The following CCDC60 variants were observed in gnomAD, a reference collection of about 807,000 sequenced individuals.
CCDC60 encodes the protein coiled-coil domain-containing protein 60.
CCDC60 carries 54 observed loss-of-function variants against 63.5 expected under a neutral mutation model. That is an observed-to-expected ratio of 0.85 (90% CI 0.68 to 1.07). The LOEUF (loss-of-function observed/expected upper bound fraction) is 1.07. Among genes scored for constraint, CCDC60 ranks in the 50% least tolerant of loss-of-function variants. CCDC60 has a pLI of 0.00. For missense variants in CCDC60, 651 were observed against 684.3 expected, an observed-to-expected ratio of 0.95 and a Z score of 0.54; for synonymous variants, 206 against 238.8, an observed-to-expected ratio of 0.86 and a Z score of 1.27.
chr12:119,457,816 A>C (rs1950775837), intron 2 of CCDC60, among the ~76,000 whole-genome samples: 2 of 152,232 alleles, frequency 1.3e-5, no homozygotes, highest in South Asian at 2.1e-4. Context: ...TAATAAATGT[A>C]TTCCAAATTT....
intron 6 of CCDC60, among the ~76,000 whole-genome samples, chr12:119,501,289 A>G (rs1006365283): frequency 6.6e-6 from 1 of 152,162 alleles, no homozygotes; most frequent in African/African-American, 2.4e-5. Context: ...GTTCTGTGCT[A>G]AGGAAGCTTC....
intron 1 of CCDC60, among the ~76,000 whole-genome samples, chr12:119,364,488 C>T (rs1955821421): frequency 1.3e-5 from 2 of 152,146 alleles, no homozygotes; most frequent in South Asian, 4.1e-4. Context: ...ATAGTATATG[C>T]TCTTCTGTGT....
intron 9 of CCDC60, among the ~76,000 whole-genome samples, chr12:119,521,929 AT>A (rs1952540945): frequency 6.6e-6 from 1 of 152,128 alleles, no homozygotes; most frequent in South Asian, 2.1e-4. Flanking sequence ...TAGGATGAGG[AT>A]TTGCCTACTA....
chr12:119,528,878 A>T, intron 12 of CCDC60, 132 bp downstream of exon 12: 1 of 877,858 alleles, frequency 1.1e-6, no homozygotes, highest in Non-Finnish European at 1.7e-6. Context: ...TTGGCCATCA[A>T]CAGGATCCCC....
At chr12:119,446,542 G>A (rs1056182374) in intron 2 of CCDC60, among the ~76,000 whole-genome samples, 16 of 152,140 alleles carry the variant, frequency 1.1e-4, no homozygotes, top group Admixed American at 5.9e-4. Flanking sequence ...AAAGCTTAAA[G>A]AGCTGGGATG....
intron 1 of CCDC60, among the ~76,000 whole-genome samples, chr12:119,338,326 T>C (rs1353455847): frequency 6.6e-6 from 1 of 152,168 alleles, no homozygotes; most frequent in Non-Finnish European, 1.5e-5. Flanking sequence ...ATGATCATGA[T>C]CATGACGATA....
chr12:119,525,637 C>T (rs765176588), intron 11 of CCDC60, among the ~76,000 whole-genome samples: 1 of 152,160 alleles, frequency 6.6e-6, no homozygotes, highest in East Asian at 1.9e-4. Flanking sequence ...TCCAAGAAAT[C>T]TTGAAAGGAG....
chr12:119,464,486 A>G (rs1184361940), intron 2 of CCDC60, among the ~76,000 whole-genome samples: 1 of 151,966 alleles, frequency 6.6e-6, no homozygotes, highest in African/African-American at 2.4e-5. Context: ...CTTAAGTAGA[A>G]CACTGTAAAC....
At chr12:119,433,558 A>C (rs1206858195) in intron 2 of CCDC60, 1 of 702,388 alleles carries the variant, frequency 1.4e-6, no homozygotes, top group African/African-American at 1.7e-5. Flanking sequence ...ATGTTTTCCA[A>C]GGGAAGTCAT....
At chr12:119,416,342 G>T (rs1565996811) in intron 1 of CCDC60, among the ~76,000 whole-genome samples, 1 of 152,052 alleles carries the variant, frequency 6.6e-6, no homozygotes, top group East Asian at 1.9e-4. Flanking sequence ...TCACACCATT[G>T]CACTCCAGCC....
At chr12:119,474,491 T>G (rs1951134474) in intron 3 of CCDC60, among the ~76,000 whole-genome samples, 1 of 152,208 alleles carries the variant, frequency 6.6e-6, no homozygotes. Flanking sequence ...TTATAGTGCA[T>G]TTGAAGTTCA....
intron 11 of CCDC60, among the ~76,000 whole-genome samples, chr12:119,524,716 C>CTTTTTTTTTTTTTTTTTTTTTTTTTTTTT (rs1416953138): frequency 2.2e-5 from 2 of 90,592 alleles, no homozygotes; most frequent in African/African-American, 1.1e-4. Flanking sequence ...CTTTTCTTTT[C>CTTTTTTTTTTTTTTTTTTTTTTTTTTTTT]TTTTCTTTTT....
At chr12:119,346,658 T>C (rs1392714466) in intron 1 of CCDC60, among the ~76,000 whole-genome samples, 1 of 152,160 alleles carries the variant, frequency 6.6e-6, no homozygotes. Context: ...ACAAGGATAT[T>C]TGCATTTTCT....
chr12:119,471,921 C>T, intron 2 of CCDC60, 73 bp from the exon 3 acceptor site: 23 of 1,238,048 alleles, frequency 1.9e-5, no homozygotes, highest in South Asian at 7.2e-5. Flanking sequence ...TCTTTCTCTC[C>T]TTCTCTTTCC....
chr12:119,517,541 G>T (rs1952387054), intron 8 of CCDC60, among the ~76,000 whole-genome samples: 1 of 152,158 alleles, frequency 6.6e-6, no homozygotes, highest in African/African-American at 2.4e-5. Context: ...CAAGGAAGAA[G>T]CTTTAAGCTG....
Position 119,410,867 on chromosome 12 carries a change from T to G in CCDC60, c.91-17816T>G, listed in dbSNP as rs1417141139. ...AAGCAATTCTCCTGCCTCAGCCTTC[T>G]GAGTAGCTGGGACTACAGGCACGCA... On this transcript the variant is annotated intron_variant, in intron 1 of 13. Coordinates refer to ENST00000327554, the MANE Select transcript of CCDC60 (RefSeq NM_178499.5). This position sits in a 1 kb window ranked among gnomAD's most constrained non-coding sequence, Gnocchi z 4.0. Among the ~76,000 whole-genome samples, 1 of 152,134 alleles carries G rather than the reference T, an allele frequency of 6.6e-6. No individual in the cohort carries two copies. The highest frequency in any genetic ancestry group is 1.5e-5 in the Non-Finnish European group (1 of 68,022).
At chr12:119,435,685 G>C (rs920747618) in intron 2 of CCDC60, among the ~76,000 whole-genome samples, 3 of 152,190 alleles carry the variant, frequency 2.0e-5, no homozygotes, top group Non-Finnish European at 4.4e-5. Context: ...TTAAGATTCA[G>C]AGAAGTTCAG....
At chr12:119,348,411 A>G (rs567821227) in intron 1 of CCDC60, among the ~76,000 whole-genome samples, 1 of 152,250 alleles carries the variant, frequency 6.6e-6, no homozygotes, top group South Asian at 2.1e-4. Flanking sequence ...ATGGTTCAGG[A>G]TTTAAATTGC....
intron 1 of CCDC60, among the ~76,000 whole-genome samples, chr12:119,337,768 G>T (rs750974462): frequency 2.6e-5 from 4 of 151,880 alleles, no homozygotes; most frequent in Non-Finnish European, 5.9e-5. Context: ...AGAGGGTGTT[G>T]TGGGAGCAAA....
Sources: gnomAD v4.1 joint callset for allele counts (sites outside exome capture counted in the v4.1 genomes callset) on GRCh38, gnomAD v4.1.1 for gene constraint, Gnocchi (gnomAD v3.1) non-coding constraint, MANE v1.5 for transcripts, NCBI Gene and HGNC (gene_info 2026-07-23, HGNC 2026-07-21) for gene names.